Variants in BCO1 observed in about 807,000 individuals in gnomAD.
The protein encoded by BCO1 is beta-carotene oxygenase 1.
Under a neutral mutation model 56.3 loss-of-function variants are expected in BCO1, and 54 were observed. The observed-to-expected ratio is 0.96, with a 90% CI of 0.77 to 1.20. BCO1 has a LOEUF of 1.20. Among genes scored for constraint, BCO1 ranks in the 50% most tolerant of loss-of-function variants. The pLI is 0.00. For synonymous variants in BCO1, 318 were observed against 266.1 expected (o/e 1.20, Z -1.90); for missense variants, 801 against 690.9 (o/e 1.16, Z -1.79).
chr16:81,274,025 C>T (rs1432744283), intron 7 of BCO1, among the ~76,000 whole-genome samples: 1 of 152,172 alleles, frequency 6.6e-6, no homozygotes, highest in Non-Finnish European at 1.5e-5. Flanking sequence ...GCACCCCTTG[C>T]TCCAGAAGCA....
At position 81,287,406 on chromosome 16, in the gene BCO1, G is replaced by A. The variant is rs529606533; in HGVS notation, c.1414G>A (p.Gly472Arg). 58 of 1,612,506 alleles carry A rather than the reference G, an allele frequency of 3.6e-5. No homozygotes were observed. In the South Asian group the frequency reaches 3.7e-4, roughly 10 times the overall value. Residue 472 changes from glycine to arginine, a missense_variant and splice_region_variant, in exon 10 of 11, where the codon GGA becomes AGA. Physicochemically the swap from Gly to Arg is moderately radical, Grantham distance 125. Transcript: ENST00000258168. ...GCCAGGTGCCAAGGATGAGGATGACGGTAAGACTCTAAGAAGCCACGCCTA... is the reference window on the plus strand; with the variant it reads ...GCCAGGTGCCAAGGATGAGGATGACAGTAAGACTCTAAGAAGCCACGCCTA... ...PAPGAKDEDDGVILSAIVSTD... is the reference protein window; with the variant it reads ...PAPGAKDEDDRVILSAIVSTD...
At position 81,273,081 on chromosome 16, in the gene BCO1, T is replaced by A. The variant is rs545127970; in HGVS notation, c.1101+2665T>A. ...GCCTCCTGGGTTCTAGCGATTCTCC[T>A]GTCTCAGTTTCCCAAGAAGCTGGGA... is the stretch of plus-strand genomic sequence containing the variant. On this transcript the variant is annotated intron_variant, in intron 7 of 10. Transcript: ENST00000258168. Among the ~76,000 whole-genome samples the A allele has an allele frequency of 2.0e-5, 3 of 152,274 alleles. No homozygotes were observed. In the South Asian group the frequency reaches 6.2e-4, roughly 32 times the overall value.
chr16:81,258,018 G>C (rs550965969), intron 2 of BCO1, among the ~76,000 whole-genome samples: 1 of 152,134 alleles, frequency 6.6e-6, no homozygotes, highest in South Asian at 2.1e-4. Context: ...CAGAGGAGAT[G>C]TGATACCGGG....
At chr16:81,251,867 C>T (rs994711019) in intron 2 of BCO1, among the ~76,000 whole-genome samples, 4 of 130,986 alleles carry the variant, frequency 3.1e-5, no homozygotes, top group African/African-American at 3.5e-5. Context: ...CACACACACA[C>T]ACATATATGT....
At chr16:81,271,527 C>A (rs1438618910) in intron 7 of BCO1, among the ~76,000 whole-genome samples, 1 of 152,186 alleles carries the variant, frequency 6.6e-6, no homozygotes, top group Non-Finnish European at 1.5e-5. Context: ...CACCCCACAC[C>A]CCTTAGCCAT....
At chr16:81,285,667 T>TA in intron 9 of BCO1, 33 bp downstream of exon 9, 1 of 1,460,584 alleles carries the variant, frequency 6.8e-7, no homozygotes, top group Non-Finnish European at 9.6e-7. Flanking sequence ...AAGCCTTTCC[T>TA]ACAGTGATTG....
intron 1 of BCO1, among the ~76,000 whole-genome samples, chr16:81,244,795 C>A (rs1391493142): frequency 6.7e-6 from 1 of 149,566 alleles, no homozygotes; most frequent in Non-Finnish European, 1.5e-5. Context: ...GGTGTGATCA[C>A]TGCAGCCTGG....
At chr16:81,281,052 T>C in intron 8 of BCO1, 90 bp downstream of exon 8, 1 of 945,508 alleles carries the variant, frequency 1.1e-6, no homozygotes, top group Non-Finnish European at 1.7e-6. Flanking sequence ...TTCCCTCCTG[T>C]GCATGGACAA....
At chr16:81,255,967 G>C (rs7203174) in intron 2 of BCO1, among the ~76,000 whole-genome samples, 44,741 of 151,354 alleles carry the variant, frequency 0.3, 7,910 homozygotes, top group African/African-American at 0.49. Context: ...CAGGTGCCCA[G>C]TACCCCGGCT....
intron 2 of BCO1, among the ~76,000 whole-genome samples, chr16:81,247,916 C>T (rs1411165667): frequency 2.0e-5 from 3 of 152,154 alleles, no homozygotes; most frequent in African/African-American, 7.2e-5. Flanking sequence ...GCTCCACCAT[C>T]CTAGCTAACA....
At chr16:81,282,189 GC>G (rs1302645983) in intron 8 of BCO1, among the ~76,000 whole-genome samples, 3 of 152,134 alleles carry the variant, frequency 2.0e-5, no homozygotes, top group Non-Finnish European at 2.9e-5. Context: ...GACCAGCCTG[GC>G]CAACATGGCG....
intron 2 of BCO1, among the ~76,000 whole-genome samples, chr16:81,258,649 C>T (rs1353029117): frequency 3.3e-5 from 5 of 152,190 alleles, no homozygotes; most frequent in African/African-American, 1.2e-4. Context: ...ATGGGTGACC[C>T]TGGGCAAGGT....
chr16:81,285,337 C>T (rs186243015), intron 8 of BCO1, among the ~76,000 whole-genome samples: 185 of 152,294 alleles, frequency 1.2e-3, no homozygotes, highest in Non-Finnish European at 2.0e-3. Flanking sequence ...CCTGGACTCT[C>T]TAATAGAGCT....
intron 7 of BCO1, among the ~76,000 whole-genome samples, chr16:81,277,041 G>T (rs1907597611): frequency 6.9e-6 from 1 of 145,392 alleles, no homozygotes; most frequent in South Asian, 2.2e-4. Context: ...TATTCCGCCT[G>T]GATGACAGAG....
intron 2 of BCO1, 150 bp from the exon 3 acceptor site, chr16:81,259,526 T>C (rs529876521): frequency 1.8e-6 from 1 of 562,230 alleles, no homozygotes; most frequent in South Asian, 4.9e-5. Context: ...ATATTTAAAA[T>C]GCGAATTGTA....
At chr16:81,285,757 A>G (rs1443023262) in intron 9 of BCO1, 123 bp downstream of exon 9, 2 of 783,748 alleles carry the variant, frequency 2.6e-6, no homozygotes, top group Non-Finnish European at 4.5e-6. Flanking sequence ...AGCCTAGGAT[A>G]AAATAAATTT....
intron 2 of BCO1, among the ~76,000 whole-genome samples, chr16:81,246,256 C>A (rs1241591025): frequency 6.6e-6 from 1 of 152,060 alleles, no homozygotes; most frequent in African/African-American, 2.4e-5. Context: ...CTTGTGATTA[C>A]ATTGAATCCA....
At chr16:81,239,830 A>G (rs985706750) in intron 1 of BCO1, among the ~76,000 whole-genome samples, 4 of 151,928 alleles carry the variant, frequency 2.6e-5, no homozygotes, top group African/African-American at 9.7e-5. Flanking sequence ...TTGAGTTGCC[A>G]CTTTCCTGGT....
At chr16:81,285,502 A>C (rs763996311) in intron 8 of BCO1, 38 bp from the exon 9 acceptor site, 4 of 1,451,704 alleles carry the variant, frequency 2.8e-6, no homozygotes. Flanking sequence ...CCAGCCCCCA[A>C]TGATAGGGGC....
Sources: gnomAD v4.1 joint callset for allele counts (sites outside exome capture counted in the v4.1 genomes callset) on GRCh38, gnomAD v4.1.1 for gene constraint, MANE v1.5 for transcripts, NCBI Gene and HGNC (gene_info 2026-07-23, HGNC 2026-07-21) for gene names.